Variants in APBA2 observed in about 807,000 individuals in gnomAD.
APBA2 encodes the protein amyloid-beta A4 precursor protein-binding family A member 2.
Under a neutral mutation model 75.0 loss-of-function variants are expected in APBA2, and 30 were observed. The observed-to-expected ratio is 0.40, with a 90% confidence interval of 0.30 to 0.54. The LOEUF is 0.54. Ranked by LOEUF, APBA2 falls within the 20% of genes least tolerant of loss-of-function variation. APBA2 has a pLI of 0.49. For missense variants in APBA2, 801 were observed against 1,016.1 expected, an observed-to-expected ratio of 0.79 and a Z score of 2.88; for synonymous variants, 444 against 409.6, an observed-to-expected ratio of 1.08 and a Z score of -1.01.
In APBA2 at chr15:29,054,524, C is replaced by T. The variant is rs148979602; in HGVS notation, c.640C>T (p.Arg214Cys). The change falls in exon 4 of 15, where the codon CGT becomes TGT. Residue 214 changes from arginine to cysteine, a missense_variant. Coordinates refer to ENST00000683413, the MANE Select transcript of APBA2 (RefSeq NM_001353788.2). This position sits in a 1 kb window ranked among gnomAD's most constrained non-coding sequence, Gnocchi z 6.1. ...CGGCGCCTCCCCCTACCGCCTGAGG[C>T]GTGGGGATGGGGACCTGGAGGACCA... ...NTGASPYRLR[R>C]GDGDLEDQEE... 7.6e-5 allele frequency: 123 copies of T among 1,613,256 alleles called. No individual in the cohort carries two copies. Among genetic ancestry groups the T allele is most frequent in the Middle Eastern group, 1.6e-4 (1 of 6,084 alleles).
At chr15:29,072,596 G>C (rs1007252128) in intron 4 of APBA2, among the ~76,000 whole-genome samples, 10 of 152,074 alleles carry the variant, frequency 6.6e-5, no homozygotes, top group Admixed American at 1.3e-4. Flanking sequence ...TGCTCCACTT[G>C]GTCAGTGCAG....
chr15:28,945,800 G>A lies in APBA2; in HGVS notation c.-95+24051G>A, dbSNP rs763088546. Among the ~76,000 whole-genome samples the A allele has an allele frequency of 9.2e-5, 14 of 152,220 alleles. No homozygotes were observed. In the East Asian group the frequency reaches 9.7e-4, roughly 10 times the overall value. Reference sequence around the variant, plus strand: ...AAGTGCTGGGATTACAGGCGGTGCCGCTCCTTACATTTTGTTGCTGTTCCC... The same window carrying A: ...AAGTGCTGGGATTACAGGCGGTGCCACTCCTTACATTTTGTTGCTGTTCCC... On this transcript the variant is annotated intron_variant, in intron 2 of 14. Coordinates refer to ENST00000683413, the MANE Select transcript of APBA2 (RefSeq NM_001353788.2).
intron 1 of APBA2, among the ~76,000 whole-genome samples, chr15:28,915,170 C>T (rs1435367817): frequency 5.6e-4 from 9 of 16,012 alleles, no homozygotes; most frequent in South Asian, 2.1e-3. Flanking sequence ...CCACACACCA[C>T]ATACATACCC....
At chr15:29,061,670 G>C (rs1238762905) in intron 4 of APBA2, among the ~76,000 whole-genome samples, 2 of 152,210 alleles carry the variant, frequency 1.3e-5, no homozygotes, top group African/African-American at 2.4e-5. Context: ...GCATTCAGTA[G>C]AGGCTTGCTT....
At chr15:29,040,192 G>A (rs12442688) in intron 3 of APBA2, among the ~76,000 whole-genome samples, 32,325 of 152,150 alleles carry the variant, frequency 0.21, 4,339 homozygotes, top group East Asian at 0.45. Context: ...CTCTCTGGTT[G>A]GAGGAACCGG....
intron 4 of APBA2, among the ~76,000 whole-genome samples, chr15:29,072,758 A>G (rs1009091419): frequency 2.6e-5 from 4 of 152,112 alleles, no homozygotes; most frequent in African/African-American, 9.7e-5. Context: ...CCAGGACAGC[A>G]GGGTGTGGTC....
intron 3 of APBA2, among the ~76,000 whole-genome samples, chr15:29,035,725 G>C (rs1288362403): frequency 6.6e-6 from 1 of 152,162 alleles, no homozygotes; most frequent in Non-Finnish European, 1.5e-5. Flanking sequence ...TGGACCAGCA[G>C]CCTCAGCATC....
intron 9 of APBA2, among the ~76,000 whole-genome samples, chr15:29,100,919 GA>G (rs2044089297): frequency 6.6e-6 from 1 of 152,208 alleles, no homozygotes; most frequent in Non-Finnish European, 1.5e-5. Context: ...TGGAAGCTGG[GA>G]CTGAGATGAG....
At chr15:29,093,459 C>T (rs987289336) in intron 7 of APBA2, among the ~76,000 whole-genome samples, 8 of 152,338 alleles carry the variant, frequency 5.3e-5, no homozygotes, top group African/African-American at 9.6e-5. Context: ...CCCAGAAATA[C>T]GACCTTTAAA....
At chr15:28,940,552 CAAAAAAAAAGAAA>C (rs1239900233) in intron 2 of APBA2, among the ~76,000 whole-genome samples, 1 of 114,268 alleles carries the variant, frequency 8.8e-6, no homozygotes, top group African/African-American at 3.1e-5. Flanking sequence ...GACTCTGTAT[CAAAAAAAAAGAAA>C]AAAAAAAAAG....
chr15:29,101,872 A>C, intron 10 of APBA2, 88 bp downstream of exon 10: 1 of 1,337,926 alleles, frequency 7.5e-7, no homozygotes, highest in Non-Finnish European at 1.1e-6. Flanking sequence ...AACCACCCTC[A>C]GGTGGAAAGC....
At chr15:29,115,557 GA>G (rs2045045622) in intron 14 of APBA2, among the ~76,000 whole-genome samples, 1 of 152,298 alleles carries the variant, frequency 6.6e-6, no homozygotes, top group African/African-American at 2.4e-5. Flanking sequence ...GAGCGGGCGG[GA>G]GAACGGGGAA....
chr15:29,067,689 C>T (rs28469387), intron 4 of APBA2, among the ~76,000 whole-genome samples: 28,021 of 152,126 alleles, frequency 0.18, 2,800 homozygotes, highest in African/African-American at 0.26. Flanking sequence ...TCGCCTTTTC[C>T]ACAAGTTTAA....
At chr15:29,032,832 C>A (rs1020879610) in intron 3 of APBA2, among the ~76,000 whole-genome samples, 1 of 152,158 alleles carries the variant, frequency 6.6e-6, no homozygotes, top group African/African-American at 2.4e-5. Context: ...GAGACCAGAT[C>A]CCGGATCCTT....
At chr15:29,025,887 G>A (rs2152836821) in intron 3 of APBA2, among the ~76,000 whole-genome samples, 1 of 151,558 alleles carries the variant, frequency 6.6e-6, no homozygotes, top group East Asian at 2.0e-4. Context: ...GGAGGCAGAG[G>A]TTGCAGTGAG....
In APBA2 at chr15:29,032,982, T is replaced by G. The variant is rs1293212510; in HGVS notation, c.-40-20863T>G. 2.6e-5 allele frequency among the ~76,000 whole-genome samples: 4 copies of G among 152,190 alleles called. No individual in the cohort carries two copies. In the East Asian group the frequency reaches 7.7e-4, roughly 29 times the overall value. On this transcript the variant is annotated intron_variant, in intron 3 of 14. Transcript: ENST00000683413. ...CTGCCCACAGCTGTGGCGAGATGGC[T>G]CTGTGGTGAGATCTGGGCTTTCTTG...
At chr15:28,932,671 A>G (rs552250901) in intron 2 of APBA2, among the ~76,000 whole-genome samples, 19 of 152,232 alleles carry the variant, frequency 1.2e-4, no homozygotes, top group Admixed American at 7.8e-4. Flanking sequence ...AGTGCTGCCT[A>G]TTGTGATAGT....
At chr15:28,944,275 G>A (rs562295178) in intron 2 of APBA2, among the ~76,000 whole-genome samples, 1 of 152,222 alleles carries the variant, frequency 6.6e-6, no homozygotes, top group South Asian at 2.1e-4. Flanking sequence ...AGGTGTGCAG[G>A]AGCCTAGATC....
intron 3 of APBA2, among the ~76,000 whole-genome samples, chr15:29,053,097 G>T (rs2041683088): frequency 6.6e-6 from 1 of 152,122 alleles, no homozygotes; most frequent in Non-Finnish European, 1.5e-5. Flanking sequence ...TGGGCACTGG[G>T]TCCAGGCCCT....
Sources: gnomAD v4.1 joint callset for allele counts (sites outside exome capture counted in the v4.1 genomes callset) on GRCh38, gnomAD v4.1.1 for gene constraint, Gnocchi (gnomAD v3.1) non-coding constraint, MANE v1.5 for transcripts, NCBI Gene and HGNC (gene_info 2026-07-23, HGNC 2026-07-21) for gene names.